Variants in ANKRD26 observed in about 807,000 individuals in gnomAD.
ANKRD26 encodes ankyrin repeat domain-containing protein 26.
ANKRD26 carries 141 observed loss-of-function variants against 208.7 expected under a neutral mutation model. That is an observed-to-expected ratio of 0.68 (90% CI 0.59 to 0.78). The LOEUF is 0.78. ANKRD26 is among the 30% of genes least tolerant of loss of function. The pLI, the probability that ANKRD26 is intolerant of heterozygous loss-of-function variation, is 0.00. For synonymous variants in ANKRD26, 636 were observed against 660.4 expected (o/e 0.96, Z 0.57); for missense variants, 1,889 against 1,938.7 (o/e 0.97, Z 0.48).
At chr10:27,037,158 T>G (rs1315060572) in intron 23 of ANKRD26, 28 bp downstream of exon 23, 6 of 1,608,546 alleles carry the variant, frequency 3.7e-6, no homozygotes, top group Non-Finnish European at 4.3e-6. Flanking sequence ...CACACATATT[T>G]GAAAATGACT....
intron 4 of ANKRD26, 69 bp from the exon 5 acceptor site, chr10:27,086,678 A>T: frequency 6.6e-7 from 1 of 1,509,052 alleles, no homozygotes; most frequent in Non-Finnish European, 9.0e-7. Context: ...AATATCTCAA[A>T]ATCTTGAGTA....
intron 9 of ANKRD26, among the ~76,000 whole-genome samples, chr10:27,069,342 T>C (rs778816996): frequency 6.6e-6 from 1 of 152,140 alleles, no homozygotes; most frequent in Non-Finnish European, 1.5e-5. Context: ...TGCTACTTCC[T>C]AGGTGTTATT....
At chr10:26,978,046 C>A (rs539229214) in intron 5 of ANKRD26, among the ~76,000 whole-genome samples, 1 of 152,282 alleles carries the variant, frequency 6.6e-6, no homozygotes, top group South Asian at 2.1e-4. Context: ...CTGAATAAGA[C>A]CTGTAATTAT....
downstream of ANKRD26, among the ~76,000 whole-genome samples, chr10:26,988,120 T>C (rs187746908): frequency 3.3e-5 from 5 of 152,304 alleles, no homozygotes; most frequent in East Asian, 9.6e-4. Context: ...ATCAGACTGT[T>C]CATCTTTTAG....
the ANKRD26 span, among the ~76,000 whole-genome samples, chr10:26,951,013 C>CTTTTCTTTTTTTTTTTT: frequency 3.1e-4 from 31 of 100,918 alleles, 3 homozygotes; most frequent in East Asian, 2.4e-3. Context: ...CTTTTCTTTT[C>CTTTTCTTTTTTTTTTTT]TTTTTCTTTT....
chr10:27,019,548 A>G (rs2053418270), intron 29 of ANKRD26, among the ~76,000 whole-genome samples: 1 of 152,116 alleles, frequency 6.6e-6, no homozygotes, highest in South Asian at 2.1e-4. Context: ...TTCTAGATAG[A>G]GTTGCTTATA....
At chr10:26,960,200 C>A in the ANKRD26 span, among the ~76,000 whole-genome samples, 1 of 152,010 alleles carries the variant, frequency 6.6e-6, no homozygotes, top group South Asian at 2.1e-4. Context: ...TGAATCTAGG[C>A]TAGCCCGTGA....
the ANKRD26 span, among the ~76,000 whole-genome samples, chr10:26,963,911 T>G: frequency 3.7e-5 from 5 of 135,888 alleles, no homozygotes; most frequent in African/African-American, 8.4e-5. Flanking sequence ...TGGTTTTTTT[T>G]TTTTTTTTTT....
At chr10:27,029,745 C>T (rs192188513) in intron 25 of ANKRD26, among the ~76,000 whole-genome samples, 1 of 152,232 alleles carries the variant, frequency 6.6e-6, no homozygotes, top group Admixed American at 6.5e-5. Context: ...ACCACATGAA[C>T]TATAAGTTTA....
intron 5 of ANKRD26, among the ~76,000 whole-genome samples, chr10:26,980,231 C>CTGAAGGAATTATAAT (rs1211462715): frequency 6.6e-6 from 1 of 152,164 alleles, no homozygotes; most frequent in Admixed American, 6.5e-5. Flanking sequence ...CTTTGGAATG[C>CTGAAGGAATTATAAT]TGAAGGAATT....
chr10:26,977,403 G>A, intron 5 of ANKRD26, among the ~76,000 whole-genome samples: 1 of 152,184 alleles, frequency 6.6e-6, no homozygotes, highest in Middle Eastern at 3.2e-3. Flanking sequence ...TTCAAGTCAT[G>A]GAGCCAGGGA....
At chr10:26,967,124 TATA>T in the ANKRD26 span, among the ~76,000 whole-genome samples, 1 of 151,870 alleles carries the variant, frequency 6.6e-6, no homozygotes, top group African/African-American at 2.4e-5. Context: ...TGACAAGTGA[TATA>T]ACATAGACAT....
At chr10:27,054,669 G>T (rs897635674) in intron 15 of ANKRD26, among the ~76,000 whole-genome samples, 2 of 152,160 alleles carry the variant, frequency 1.3e-5, no homozygotes, top group African/African-American at 4.8e-5. Flanking sequence ...CAGACTAAAA[G>T]GGGTAAAGGG....
rs142568153 is a variant in ANKRD26, at chr10:26,997,872, C to T, written c.563-2725G>A. Among the ~76,000 whole-genome samples, 491 of 152,314 alleles carry T rather than the reference C, an allele frequency of 3.2e-3. 3 individuals carry two copies. The highest frequency in any genetic ancestry group is 0.011 in the African/African-American group (453 of 41,568). On this transcript the variant is annotated intron_variant, in intron 4 of 5. Coordinates refer to the ANKRD26 transcript ENST00000445828. ...TCTTTGTTTGATCACTGATAAATAG[C>T]ATGGGCTCCCAGAGCTTGGGGCCTT...
chr10:27,053,345 T>C lies in ANKRD26; in HGVS notation c.1610A>G (p.Glu537Gly). Reference protein sequence around the residue: ...EVASEEEQEREGSENNQPQVE... With the variant: ...EVASEEEQERGGSENNQPQVE... The stretch of plus-strand genomic sequence containing the variant: ...CTGTGGCTGGTTATTTTCACTCCCT[T>C]CCCTTTCTTGCTCTTCTTCTGATGC... The change falls in exon 16 of 34, where the codon GAA (glutamate) becomes GGA (glycine). Residue 537 changes from glutamate (E) to glycine (G), a missense_variant. Coordinates refer to ENST00000376087, the MANE Select transcript of ANKRD26 (RefSeq NM_014915.3). 6.2e-7 allele frequency: 1 copy of C among 1,610,906 alleles called. No homozygotes were observed. Among genetic ancestry groups the C allele is most frequent in the Non-Finnish European group, 8.5e-7 (1 of 1,178,768 alleles).
intron 3 of ANKRD26, among the ~76,000 whole-genome samples, chr10:26,985,930 T>C (rs1482910389): frequency 6.6e-6 from 1 of 152,118 alleles, no homozygotes; most frequent in Non-Finnish European, 1.5e-5. Context: ...AAAAACTACT[T>C]TAAAGTTCAT....
In ANKRD26 at chr10:27,005,383, T is replaced by C. The variant is rs1339262119; in HGVS notation, c.*207A>G. 7.7e-7 allele frequency: 1 copy of C among 1,303,640 alleles called. No individual in the cohort carries two copies. The allele number at this position is 1,303,640 out of a possible 1,614,324, so 80.8% of individuals were successfully genotyped here. On this transcript the variant is annotated 3_prime_UTR_variant, in exon 34 of 34. Coordinates refer to ENST00000376087, the MANE Select transcript of ANKRD26 (RefSeq NM_014915.3). ...AGCTCACATTTGGGCAGTTTGAGTA[T>C]GTAAAACTCAATATTCCTGGTTTTC...
chr10:26,952,647 A>ACG, the ANKRD26 span, among the ~76,000 whole-genome samples: 11 of 152,252 alleles, frequency 7.2e-5, no homozygotes, highest in Admixed American at 4.6e-4. Flanking sequence ...TAATAATAAA[A>ACG]TAAAACAAAG....
At position 26,978,217 on chromosome 10, in the gene ANKRD26, G is replaced by A. The variant is rs188699844; in HGVS notation, c.*282-2175C>T. Reference sequence around the variant, plus strand: ...TGTAATCCCAGCACTTTGGGAGGCCGAGGTGGGTGGATCACCTGACGTCAG... The same window carrying A: ...TGTAATCCCAGCACTTTGGGAGGCCAAGGTGGGTGGATCACCTGACGTCAG... On this transcript the variant is annotated intron_variant and NMD_transcript_variant, in intron 5 of 5. Coordinates refer to the ANKRD26 transcript ENST00000674670. 1.4e-3 allele frequency among the ~76,000 whole-genome samples: 216 copies of A among 152,146 alleles called. 1 individual carries two copies. Among genetic ancestry groups the A allele is most frequent in the Non-Finnish European group, 1.1e-3 (72 of 67,984 alleles).
Sources: allele counts gnomAD v4.1 joint callset (sites outside exome capture counted in the v4.1 genomes callset), GRCh38; gene constraint gnomAD v4.1.1; transcripts MANE v1.5; gene names NCBI Gene and HGNC (gene_info 2026-07-23, HGNC 2026-07-21).